The following CPLX1 variants were observed in gnomAD, a reference collection of about 807,000 sequenced individuals.
CPLX1 encodes the protein complexin-1.
In CPLX1, 6 loss-of-function variants were observed where a neutral mutation model predicts 15.6. That is an observed-to-expected ratio of 0.39 (90% CI 0.21 to 0.76). CPLX1 has a LOEUF of 0.76. Ranked by LOEUF, CPLX1 falls within the 30% of genes least tolerant of loss-of-function variation. CPLX1 has a pLI of 0.43. For synonymous variants in CPLX1, 91 were observed against 75.2 expected (o/e 1.21, Z -1.08); for missense variants, 242 against 188.6 (o/e 1.28, Z -1.66).
At chr4:794,916 G>C (rs920758632) in intron 2 of CPLX1, among the ~76,000 whole-genome samples, 1 of 152,220 alleles carries the variant, frequency 6.6e-6, no homozygotes, top group African/African-American at 2.4e-5. Context: ...CACCAGGTGT[G>C]CTGCGCTCTG....
At chr4:809,427 G>A (rs981411329) in intron 2 of CPLX1, among the ~76,000 whole-genome samples, 10 of 151,350 alleles carry the variant, frequency 6.6e-5, no homozygotes, top group African/African-American at 2.4e-4. Flanking sequence ...CTGAGCCTCT[G>A]CCCTGCCTCG....
chr4:787,288 G>T, intron 3 of CPLX1: 1 of 985,332 alleles, frequency 1.0e-6, no homozygotes, highest in Non-Finnish European at 1.2e-6. Context: ...CTGGAATCCC[G>T]CCTAGTCGTG....
chr4:793,723 C>T (rs768262546), intron 2 of CPLX1, among the ~76,000 whole-genome samples: 9 of 152,196 alleles, frequency 5.9e-5, no homozygotes, highest in African/African-American at 9.7e-5. Context: ...ATGCCGCTCT[C>T]CCCCCGCGGC....
intron 2 of CPLX1, among the ~76,000 whole-genome samples, chr4:810,113 G>GCC (rs1746638264): frequency 7.0e-6 from 1 of 143,168 alleles, no homozygotes; most frequent in Non-Finnish European, 1.5e-5. Flanking sequence ...GCAGTGGCAT[G>GCC]ATCTCAGCTC....
chr4:805,692 G>A lies in CPLX1; in HGVS notation c.32-13084C>T, dbSNP rs563656726. ...CATTAACCACAATAACCAAGAGGGA[G>A]AAACAACCCAGGGTGTCCATCAGCA... is the stretch of plus-strand genomic sequence containing the variant. On this transcript the variant is annotated intron_variant, in intron 2 of 3. Transcript: ENST00000304062. 2.6e-5 allele frequency among the ~76,000 whole-genome samples: 4 copies of A among 152,312 alleles called. No individual in the cohort carries two copies. The South Asian group carries it at 8.3e-4, about 32-fold the overall frequency.
chr4:821,839 GCC>G lies in CPLX1; in HGVS notation c.31+2651_31+2652del, dbSNP rs1452225232. On this transcript the variant is annotated intron_variant, in intron 2 of 3. Transcript: ENST00000304062. ...ACCCAGCGTTGGGTCAGATGAGCAG[GCC>G]CTGGGCCACTCACTCCTCAGCAAGA... Among the ~76,000 whole-genome samples, 26 of 152,216 alleles carry G rather than the reference GCC, an allele frequency of 1.7e-4. No homozygotes were observed. In the South Asian group the frequency reaches 5.4e-3, roughly 32 times the overall value.
intron 2 of CPLX1, 73 bp downstream of exon 2, chr4:824,419 G>A: frequency 7.2e-7 from 1 of 1,382,760 alleles, no homozygotes; most frequent in Non-Finnish European, 1.0e-6. Context: ...CGGTGGGCCA[G>A]ATGAGGAGCA....
chr4:804,078 G>A (rs1050341322), intron 2 of CPLX1, among the ~76,000 whole-genome samples: 1 of 152,264 alleles, frequency 6.6e-6, no homozygotes, highest in Non-Finnish European at 1.5e-5. Context: ...GGGAACAATG[G>A]TTGCACCACA....
chr4:789,345 T>A (rs1179279081), intron 3 of CPLX1, among the ~76,000 whole-genome samples: 2 of 152,128 alleles, frequency 1.3e-5, no homozygotes, highest in Non-Finnish European at 2.9e-5. Context: ...CAGGAGGCCC[T>A]GACACGTCTG....
chr4:787,281 G>A, intron 3 of CPLX1: 1 of 985,382 alleles, frequency 1.0e-6, no homozygotes. Flanking sequence ...GGGTGTCCTG[G>A]AATCCCGCCT....
At chr4:822,285 TTGTCTGTC>T (rs34795076) in intron 2 of CPLX1, among the ~76,000 whole-genome samples, 21 of 150,630 alleles carry the variant, frequency 1.4e-4, no homozygotes, top group Admixed American at 5.9e-4. Context: ...CCCTCTTCCT[TTGTCTGTC>T]TGTCTCTCTG....
At chr4:809,337 A>G (rs932929799) in intron 2 of CPLX1, among the ~76,000 whole-genome samples, 3 of 152,130 alleles carry the variant, frequency 2.0e-5, no homozygotes, top group African/African-American at 7.2e-5. Context: ...AAAGCTTCTC[A>G]TTCTCCCCCA....
rs548531734 is a variant in CPLX1 at position 817,472 on chromosome 4, C to T, written c.31+7020G>A. 2.6e-3 allele frequency among the ~76,000 whole-genome samples: 400 copies of T among 151,466 alleles called. 1 individual carries two copies. The highest frequency in any genetic ancestry group is 9.3e-3 in the African/African-American group (384 of 41,258). ...ACTCAGGAGGCTGAGGCAGGAGAAT[C>T]GCTTGAACCCAGGAGGCGGAGGTTA... On this transcript the variant is annotated intron_variant, in intron 2 of 3. Coordinates refer to ENST00000304062, the MANE Select transcript of CPLX1 (RefSeq NM_006651.4).
At position 809,321 on chromosome 4, in the gene CPLX1, C is replaced by A. The variant is rs369731352; in HGVS notation, c.31+15171G>T. Among the ~76,000 whole-genome samples, 42 of 152,348 alleles carry A rather than the reference C, an allele frequency of 2.8e-4. No individual in the cohort carries two copies. In the South Asian group the frequency reaches 6.4e-3, roughly 23 times the overall value. ...AGGGCAGGAGTGCACGGGGTGGGGC[C>A]CGGCCAAAGCTTCTCATTCTCCCCC... On this transcript the variant is annotated intron_variant, in intron 2 of 3. Transcript: ENST00000304062.
intron 2 of CPLX1, among the ~76,000 whole-genome samples, chr4:815,306 G>C (rs1325668537): frequency 2.0e-5 from 3 of 151,600 alleles, no homozygotes; most frequent in African/African-American, 7.3e-5. Flanking sequence ...AGCTACTCGA[G>C]AGGCCGAGGC....
intron 2 of CPLX1, among the ~76,000 whole-genome samples, chr4:795,319 G>A (rs973215859): frequency 2.0e-5 from 3 of 152,244 alleles, no homozygotes; most frequent in African/African-American, 4.8e-5. Context: ...GGGCGGCCCC[G>A]AGCACTGCTG....
rs1746519405 is a variant in CPLX1 at position 804,608 on chromosome 4, T to G, written c.32-12000A>C. The stretch of plus-strand genomic sequence containing the variant: ...GACGTCAGCCGCATCAACAATAATG[T>G]GCAATTGTATGTAATCCGGATCGCA... On this transcript the variant is annotated intron_variant, in intron 2 of 3. Coordinates refer to ENST00000304062, the MANE Select transcript of CPLX1 (RefSeq NM_006651.4). 7 of 376,316 alleles carry G rather than the reference T, an allele frequency of 1.9e-5. No individual in the cohort carries two copies. In the South Asian group the frequency reaches 6.5e-4, roughly 35 times the overall value. 23.3% of individuals were successfully genotyped at this position (376,316 alleles called of 1,614,324 possible).
chr4:797,967 G>A (rs891276822), intron 2 of CPLX1, among the ~76,000 whole-genome samples: 2 of 151,074 alleles, frequency 1.3e-5, no homozygotes, highest in Admixed American at 6.6e-5. Flanking sequence ...AAGGCACTAT[G>A]GTATAAACAA....
chr4:818,396 A>G (rs1377011213), intron 2 of CPLX1, among the ~76,000 whole-genome samples: 4 of 152,250 alleles, frequency 2.6e-5, no homozygotes, highest in Non-Finnish European at 5.9e-5. Flanking sequence ...AGAGGCTGAC[A>G]TGGTGGCCTC....
Sources: gnomAD v4.1 joint callset for allele counts (sites outside exome capture counted in the v4.1 genomes callset) on GRCh38, gnomAD v4.1.1 for gene constraint, MANE v1.5 for transcripts, NCBI Gene and HGNC (gene_info 2026-07-23, HGNC 2026-07-21) for gene names.